The following ZNF473 variants were observed in gnomAD, a reference collection of about 807,000 sequenced individuals.
ZNF473 encodes zinc finger protein 100 homolog.
In ZNF473, 4 loss-of-function variants were observed where a neutral mutation model predicts 11.1. The observed-to-expected ratio is 0.36, with a 90% confidence interval of 0.18 to 0.82. The LOEUF is 0.82. ZNF473 is among the 40% of genes least tolerant of loss of function. The pLI, the probability that ZNF473 is intolerant of heterozygous loss-of-function variation, is 0.49. For missense variants in ZNF473, 854 were observed against 1,084.0 expected (o/e 0.79, Z 2.98); for synonymous variants, 404 against 390.4 (o/e 1.03, Z -0.41).
At chr19:50,027,115 A>G (rs918256165) in intron 1 of ZNF473, among the ~76,000 whole-genome samples, 6 of 152,064 alleles carry the variant, frequency 3.9e-5, no homozygotes, top group Non-Finnish European at 8.8e-5. Context: ...GGGAATCAGA[A>G]TTTTTCAGAT....
chr19:50,046,289 G>A lies in ZNF473; in HGVS notation c.1846G>A (p.Val616Met). ...LIHHQRIHSR[V>M]RLYKWGEQGK... is the part of the protein sequence containing the mutation. ...TCACCATCAAAGAATCCACTCTAGA[G>A]TGAGGCTGTATAAATGGGGTGAGCA... The change falls in exon 5 of 5, where the codon GTG becomes ATG. Residue 616 changes from valine to methionine, a missense_variant. Around this residue, in one of 2 missense-constraint regions of ZNF473, gnomAD observed 668 missense variants for 790.2 expected, o/e 0.85. Transcript: ENST00000270617. The surrounding 1 kb of genome is among the most constrained non-coding windows in gnomAD (Gnocchi z 5.9). 1 of 1,614,200 alleles carries A rather than the reference G, an allele frequency of 6.2e-7. No homozygotes were observed. The highest frequency in any genetic ancestry group is 8.5e-7 in the Non-Finnish European group (1 of 1,180,032).
chr19:50,047,611 CTCT>C lies in ZNF473; in HGVS notation c.*557_*559del, dbSNP rs1979213653. On this transcript the variant is annotated 3_prime_UTR_variant, in exon 5 of 5. Coordinates refer to ENST00000270617, the MANE Select transcript of ZNF473 (RefSeq NM_015428.4). ...TTTACAGTTTTTCTCCAGCACTTTA[CTCT>C]TCTTAAGTGCCTGGCCTTTTTTGTC... is the stretch of plus-strand genomic sequence containing the variant. The C allele has an allele frequency of 6.5e-6, 1 of 153,156 alleles. No homozygotes were observed. The highest frequency in any genetic ancestry group is 1.9e-4 in the East Asian group (1 of 5,212). 9.5% of individuals were successfully genotyped at this position (153,156 alleles called of 1,614,324 possible). A position where few individuals can be genotyped will look rare whatever the true frequency, so the allele number is the denominator to read the frequency against.
intron 2 of ZNF473, among the ~76,000 whole-genome samples, chr19:50,037,311 A>C (rs1473872985): frequency 6.6e-6 from 1 of 152,148 alleles, no homozygotes; most frequent in African/African-American, 2.4e-5. Context: ...TTACTTGCCA[A>C]TAGTCACTCA....
intron 2 of ZNF473, among the ~76,000 whole-genome samples, chr19:50,031,984 T>A (rs1600751462): frequency 6.6e-6 from 1 of 151,898 alleles, no homozygotes; most frequent in South Asian, 2.1e-4. Flanking sequence ...CCTACCTCCC[T>A]CGTGTCTCTC....
At chr19:50,029,504 A>G (rs1004885985) in intron 1 of ZNF473, among the ~76,000 whole-genome samples, 10 of 152,258 alleles carry the variant, frequency 6.6e-5, no homozygotes, top group African/African-American at 9.6e-5. Flanking sequence ...TTTGAAAATA[A>G]AAGTTGAATT....
At position 50,045,040 on chromosome 19, in the gene ZNF473, G is replaced by A. The variant is rs779351684; in HGVS notation, c.597G>A (p.Gln199=). The part of the protein sequence containing the change: ...EFFSYSDHSQ[Q]DSVQEGEKPY... ...TCTCCTACTCCGACCACAGCCAGCAGGATTCTGTTCAGGAAGGGGAGAAAC... is the reference window on the plus strand; with the variant it reads ...TCTCCTACTCCGACCACAGCCAGCAAGATTCTGTTCAGGAAGGGGAGAAAC... Residue 199 remains glutamine, a synonymous_variant, in exon 5 of 5, where the codon CAG becomes CAA. Coordinates refer to ENST00000270617, the MANE Select transcript of ZNF473 (RefSeq NM_015428.4). 3 of 1,614,196 alleles carry A rather than the reference G, an allele frequency of 1.9e-6. No individual in the cohort carries two copies. Among genetic ancestry groups the A allele is most frequent in the Non-Finnish European group, 2.5e-6 (3 of 1,180,028 alleles).
At chr19:50,030,050 C>G (rs754603092) in intron 1 of ZNF473, among the ~76,000 whole-genome samples, 1 of 152,104 alleles carries the variant, frequency 6.6e-6, no homozygotes, top group Non-Finnish European at 1.5e-5. Context: ...GGGGTTTCAG[C>G]ATATTGGCCA....
At chr19:50,041,453 C>A (rs1568408721) in intron 3 of ZNF473, 1 of 258,902 alleles carries the variant, frequency 3.9e-6, no homozygotes, top group East Asian at 7.7e-5. Flanking sequence ...AGATCCTGCC[C>A]ATTAAAGAGC....
At chr19:50,041,985 G>A in intron 4 of ZNF473, 166 bp downstream of exon 4, 2 of 533,850 alleles carry the variant, frequency 3.7e-6, no homozygotes, top group South Asian at 4.9e-5. Flanking sequence ...GGAGCTGGGG[G>A]GATCAGGACA....
At chr19:50,036,343 TCA>T (rs1255998365) in intron 2 of ZNF473, among the ~76,000 whole-genome samples, 2 of 125,974 alleles carry the variant, frequency 1.6e-5, no homozygotes, top group African/African-American at 3.2e-5. Context: ...AGATGGAGTC[TCA>T]CTCTGTCACC....
rs1424404479 is a variant in ZNF473 at position 50,041,830 on chromosome 19, G to A, written c.226+11G>A. The A allele has an allele frequency of 6.2e-7, 1 of 1,603,058 alleles. No homozygotes were observed. Among genetic ancestry groups the A allele is most frequent in the Admixed American group, 1.7e-5 (1 of 57,844 alleles). On this transcript the variant is annotated intron_variant, in intron 4 of 4. Transcript: ENST00000270617. ...AAGCAACAAGCCCTGGTGAGTGGATGGAGAGGGGCCCCTTGTGTACCTTCT... is the reference window on the plus strand; with the variant it reads ...AAGCAACAAGCCCTGGTGAGTGGATAGAGAGGGGCCCCTTGTGTACCTTCT...
Position 50,041,719 on chromosome 19 carries a change from T to C in ZNF473, c.137-11T>C. On this transcript the variant is annotated splice_polypyrimidine_tract_variant and intron_variant, in intron 3 of 4. Transcript: ENST00000270617. ...TCCTGGTTGGGTGACAATGCTTTTC[T>C]CTCCCTGCAGACCCCCCAAGACCCA... 6.3e-7 allele frequency: 1 copy of C among 1,594,678 alleles called. No homozygotes were observed. The highest frequency in any genetic ancestry group is 8.5e-7 in the Non-Finnish European group (1 of 1,172,560).
chr19:50,046,492 C>T lies in ZNF473; in HGVS notation c.2049C>T (p.Phe683=), dbSNP rs1979131013. ...PFKCSKCDRV[F]TQRNYLVQHE... Reference sequence around the variant, plus strand: ...AATGTAGTAAGTGTGACAGAGTCTTCACCCAGAGAAACTACCTTGTTCAGC... The same window carrying T: ...AATGTAGTAAGTGTGACAGAGTCTTTACCCAGAGAAACTACCTTGTTCAGC... The change falls in exon 5 of 5, where the codon TTC becomes TTT. Residue 683 remains phenylalanine, a synonymous_variant. Coordinates refer to ENST00000270617, the MANE Select transcript of ZNF473 (RefSeq NM_015428.4). This position sits in a 1 kb window ranked among gnomAD's most constrained non-coding sequence, Gnocchi z 5.9. The T allele has an allele frequency of 1.2e-6, 2 of 1,614,242 alleles. No individual in the cohort carries two copies. Among genetic ancestry groups the T allele is most frequent in the Middle Eastern group, 1.7e-4 (1 of 6,050 alleles).
At chr19:50,035,305 T>G (rs994036926) in intron 2 of ZNF473, among the ~76,000 whole-genome samples, 2 of 151,906 alleles carry the variant, frequency 1.3e-5, no homozygotes, top group Non-Finnish European at 2.9e-5. Flanking sequence ...AAAAAAAAAT[T>G]TATCTACTAT....
intron 2 of ZNF473, among the ~76,000 whole-genome samples, chr19:50,037,974 A>G (rs1978548087): frequency 6.7e-6 from 1 of 150,296 alleles, no homozygotes; most frequent in Admixed American, 6.7e-5. Context: ...CCTGTCCTAT[A>G]CGAACTCTAC....
chr19:50,035,394 A>C (rs547504272), intron 2 of ZNF473, among the ~76,000 whole-genome samples: 1 of 151,722 alleles, frequency 6.6e-6, no homozygotes, highest in East Asian at 1.9e-4. Context: ...AGTTTTCACT[A>C]TAAGGAATTG....
chr19:50,046,517 C>G lies in ZNF473; in HGVS notation c.2074C>G (p.His692Asp), dbSNP rs1212022700. 4 of 1,614,220 alleles carry G rather than the reference C, an allele frequency of 2.5e-6. No individual in the cohort carries two copies. The highest frequency in any genetic ancestry group is 1.3e-5 in the African/African-American group (1 of 75,060). The change falls in exon 5 of 5, where the codon CAT becomes GAT. Residue 692 changes from histidine (H) to aspartate (D), a missense_variant. By Grantham distance (81) the His-to-Asp change is moderately conservative (BLOSUM62 -1). Around this residue, in one of 2 missense-constraint regions of ZNF473, gnomAD observed 186 missense variants for 293.8 expected, o/e 0.63. Coordinates refer to ENST00000270617, the MANE Select transcript of ZNF473 (RefSeq NM_015428.4). This position sits in a 1 kb window ranked among gnomAD's most constrained non-coding sequence, Gnocchi z 5.9. ...CACCCAGAGAAACTACCTTGTTCAGCATGAGCGAACTCATGCCAGAAAGAA... is the reference window on the plus strand; with the variant it reads ...CACCCAGAGAAACTACCTTGTTCAGGATGAGCGAACTCATGCCAGAAAGAA... Reference protein sequence around the residue: ...VFTQRNYLVQHERTHARKKPL... With the variant: ...VFTQRNYLVQDERTHARKKPL...
At chr19:50,028,585 A>G (rs1286562702) in intron 1 of ZNF473, among the ~76,000 whole-genome samples, 1 of 151,954 alleles carries the variant, frequency 6.6e-6, no homozygotes, top group Non-Finnish European at 1.5e-5. Context: ...CAGCCTCCCA[A>G]AGTGCTGGGA....
At chr19:50,032,174 C>G (rs879937469) in intron 2 of ZNF473, among the ~76,000 whole-genome samples, 24 of 149,600 alleles carry the variant, frequency 1.6e-4, no homozygotes, top group Non-Finnish European at 2.8e-4. Context: ...TTCCCACCTC[C>G]TTCATCACTG....
Sources: allele counts gnomAD v4.1 joint callset (sites outside exome capture counted in the v4.1 genomes callset), GRCh38; gene constraint gnomAD v4.1.1; regional missense constraint gnomAD v4.1.1; non-coding constraint Gnocchi (gnomAD v3.1); transcripts MANE v1.5; gene names NCBI Gene and HGNC (gene_info 2026-07-23, HGNC 2026-07-21).